CENPK: variants seen among roughly 807,000 people sequenced by gnomAD.
The protein encoded by CENPK is centromere protein K, also known as SoxLZ/Sox6-binding protein Solt.
Under a neutral mutation model 40.9 loss-of-function variants are expected in CENPK, and 46 were observed. The observed-to-expected ratio is 1.13, with a 90% CI of 0.89 to 1.44. The LOEUF (loss-of-function observed/expected upper bound fraction) is 1.44, where lower values mean the gene tolerates loss of function less well. Among genes scored for constraint, CENPK ranks in the 40% most tolerant of loss-of-function variants. The pLI is 0.00. For synonymous variants in CENPK, 107 were observed against 104.4 expected, an observed-to-expected ratio of 1.02 and a Z score of -0.15; for missense variants, 288 against 303.5, an observed-to-expected ratio of 0.95 and a Z score of 0.38.
intron 5 of CENPK, among the ~76,000 whole-genome samples, chr5:65,547,678 T>G (rs1749252097): frequency 6.6e-6 from 1 of 152,164 alleles, no homozygotes; most frequent in African/African-American, 2.4e-5. Context: ...TTTCTTTTTT[T>G]TTTTGAAATG....
intron 2 of CENPK, among the ~76,000 whole-genome samples, chr5:65,558,632 T>C (rs1443927179): frequency 1.3e-5 from 2 of 152,186 alleles, no homozygotes; most frequent in Non-Finnish European, 2.9e-5. Flanking sequence ...AGTTACAGGA[T>C]TATTCAGTAG....
chr5:65,498,854 T>C, the CENPK span, among the ~76,000 whole-genome samples: 1 of 151,982 alleles, frequency 6.6e-6, no homozygotes, highest in African/African-American at 2.4e-5. Flanking sequence ...AGTCTCGCCA[T>C]GTTGCCCAGA....
At chr5:65,501,873 G>A in the CENPK span, among the ~76,000 whole-genome samples, 1 of 152,220 alleles carries the variant, frequency 6.6e-6, no homozygotes, top group Non-Finnish European at 1.5e-5. Context: ...ATAGTCAAGA[G>A]TAGGAAGCCT....
At chr5:65,504,327 A>G in the CENPK span, among the ~76,000 whole-genome samples, 1 of 151,834 alleles carries the variant, frequency 6.6e-6, no homozygotes, top group African/African-American at 2.4e-5. Flanking sequence ...TTGGTGGCAC[A>G]TGCCTGTAAT....
the CENPK span, among the ~76,000 whole-genome samples, chr5:65,502,671 G>A: frequency 6.6e-6 from 1 of 151,886 alleles, no homozygotes; most frequent in Non-Finnish European, 1.5e-5. Context: ...AGGCTAGAGT[G>A]CAGTGGTGAG....
At chr5:65,560,989 G>A (rs2150568700) in intron 2 of CENPK, 1 of 152,240 alleles carries the variant, frequency 6.6e-6, no homozygotes, top group East Asian at 1.9e-4. Context: ...AAAGCTATGA[G>A]ACTTGGGCAA....
Position 65,554,900 on chromosome 5 carries a change from T to C in CENPK, c.8A>G (p.Gln3Arg). ...AGTACTATCCGGATCTAGATCCTCC[T>C]GATTCATTGATATATGCTTTGTGAA... MN[Q>R]EDLDPDSTTD... The change falls in exon 3 of 11, where the codon CAG (glutamine) becomes CGG (arginine). Residue 3 changes from glutamine to arginine, a missense_variant. Gln to Arg is a conservative substitution (Grantham distance 43). Coordinates refer to ENST00000396679, the MANE Select transcript of CENPK (RefSeq NM_022145.5). 1.3e-6 allele frequency: 2 copies of C among 1,554,268 alleles called. No homozygotes were observed. Among genetic ancestry groups the C allele is most frequent in the Non-Finnish European group, 1.8e-6 (2 of 1,129,378 alleles).
intron 5 of CENPK, among the ~76,000 whole-genome samples, chr5:65,549,528 T>C (rs943814951): frequency 6.6e-6 from 1 of 152,238 alleles, no homozygotes; most frequent in African/African-American, 2.4e-5. Flanking sequence ...CTGTTCTGTC[T>C]ACATTGAAAA....
At chr5:65,550,721 C>T (rs1490985419) in intron 5 of CENPK, 1 of 151,966 alleles carries the variant, frequency 6.6e-6, no homozygotes, top group East Asian at 1.9e-4. Context: ...ATGAGATGTG[C>T]CTGTATAGAT....
At chr5:65,540,797 T>G (rs1207242078) in intron 6 of CENPK, among the ~76,000 whole-genome samples, 1 of 145,532 alleles carries the variant, frequency 6.9e-6, no homozygotes, top group Admixed American at 7.0e-5. Flanking sequence ...ATTTGGCTGT[T>G]CAACTGTATC....
chr5:65,541,432 A>C (rs1294503939), intron 6 of CENPK: 2 of 456,314 alleles, frequency 4.4e-6, no homozygotes, highest in Non-Finnish European at 8.8e-6. Flanking sequence ...CATCATCTGC[A>C]GAATCTGCCA....
intron 6 of CENPK, among the ~76,000 whole-genome samples, chr5:65,539,873 C>A (rs1160656755): frequency 6.6e-6 from 1 of 152,204 alleles, no homozygotes; most frequent in African/African-American, 2.4e-5. Flanking sequence ...GCAGTCTCTG[C>A]CACACCTAGA....
chr5:65,554,848 A>G lies in CENPK; in HGVS notation c.60T>C (p.Thr20=), dbSNP rs772652364. The G allele has an allele frequency of 1.2e-6, 2 of 1,605,598 alleles. No homozygotes were observed. The highest frequency in any genetic ancestry group is 1.7e-6 in the Non-Finnish European group (2 of 1,172,542). Residue 20 remains threonine (T), a synonymous_variant, in exon 3 of 11, where the codon ACT becomes ACC. Coordinates refer to ENST00000396679, the MANE Select transcript of CENPK (RefSeq NM_022145.5). ...STTDVGDVTN[T]EEELIRECEE... Reference sequence around the variant, plus strand: ...CACATTCTCTAATAAGTTCTTCTTCAGTATTTGTAACATCTCCCACATCTG... The same window carrying G: ...CACATTCTCTAATAAGTTCTTCTTCGGTATTTGTAACATCTCCCACATCTG...
chr5:65,535,025 T>C (rs1052183821), intron 6 of CENPK, among the ~76,000 whole-genome samples: 1 of 152,152 alleles, frequency 6.6e-6, no homozygotes. Context: ...CATACAAGCC[T>C]GGGCAACATT....
intron 8 of CENPK, 55 bp downstream of exon 8, chr5:65,528,864 C>T: frequency 8.7e-7 from 1 of 1,152,492 alleles, no homozygotes; most frequent in Non-Finnish European, 1.2e-6. Context: ...TTTCATGTAA[C>T]ACAAAAAATA....
At chr5:65,539,148 G>A (rs1390148416) in intron 6 of CENPK, among the ~76,000 whole-genome samples, 1 of 152,156 alleles carries the variant, frequency 6.6e-6, no homozygotes, top group Non-Finnish European at 1.5e-5. Context: ...TTGAGAAAGT[G>A]TCTATGATCC....
At chr5:65,527,036 G>A (rs1276526968) in intron 9 of CENPK, among the ~76,000 whole-genome samples, 4 of 152,106 alleles carry the variant, frequency 2.6e-5, no homozygotes, top group Non-Finnish European at 5.9e-5. Context: ...GGCAGAGGTT[G>A]CAGTGAGCGG....
intron 5 of CENPK, among the ~76,000 whole-genome samples, chr5:65,544,534 C>T (rs1426352533): frequency 1.3e-5 from 2 of 152,112 alleles, no homozygotes; most frequent in African/African-American, 4.8e-5. Flanking sequence ...TTCTGGTAGA[C>T]ATCCAAAAGA....
intron 9 of CENPK, 133 bp from the exon 10 acceptor site, chr5:65,521,661 C>T (rs897241676): frequency 3.7e-5 from 24 of 645,738 alleles, no homozygotes; most frequent in Middle Eastern, 4.1e-4. Context: ...AGTGCAATGG[C>T]GCAATCTCGG....
Sources: gnomAD v4.1 joint callset for allele counts (sites outside exome capture counted in the v4.1 genomes callset) on GRCh38, gnomAD v4.1.1 for gene constraint, MANE v1.5 for transcripts, NCBI Gene and HGNC (gene_info 2026-07-23, HGNC 2026-07-21) for gene names.